MAP3K1: variants seen among roughly 807,000 people sequenced by gnomAD.
MAP3K1 encodes the protein mitogen-activated protein kinase kinase kinase 1.
MAP3K1 carries 36 observed loss-of-function variants against 144.2 expected under a neutral mutation model. That is an observed-to-expected ratio of 0.25 (90% confidence interval 0.19 to 0.33). MAP3K1 has a LOEUF of 0.33. Ranked by LOEUF, MAP3K1 falls within the 10% of genes least tolerant of loss-of-function variation. The pLI, the probability that MAP3K1 is intolerant of heterozygous loss-of-function variation, is 1.00. For missense variants in MAP3K1, 1,650 were observed against 1,881.9 expected, an observed-to-expected ratio of 0.88 and a Z score of 2.28; for synonymous variants, 718 against 688.7, an observed-to-expected ratio of 1.04 and a Z score of -0.67.
chr5:56,859,970 T>A (rs1330720973), intron 3 of MAP3K1, 55 bp downstream of exon 3: 1 of 1,425,562 alleles, frequency 7.0e-7, no homozygotes, highest in Non-Finnish European at 9.7e-7. Flanking sequence ...GCTTCATTTA[T>A]AACAAAGAAA....
intron 1 of MAP3K1, among the ~76,000 whole-genome samples, chr5:56,818,675 T>G (rs1420096951): frequency 3.3e-5 from 5 of 152,160 alleles, no homozygotes; most frequent in Non-Finnish European, 7.4e-5. Context: ...TTACTGTCTT[T>G]GAAGAAAAAT....
chr5:56,873,562 C>G (rs1747925585), intron 9 of MAP3K1, among the ~76,000 whole-genome samples: 1 of 152,038 alleles, frequency 6.6e-6, no homozygotes, highest in African/African-American at 2.4e-5. Context: ...GTAAGTAGGG[C>G]TTTTTTGTCA....
chr5:56,879,642 A>G (rs1204917341), intron 11 of MAP3K1, among the ~76,000 whole-genome samples: 2 of 152,220 alleles, frequency 1.3e-5, no homozygotes, highest in African/African-American at 4.8e-5. Flanking sequence ...CTAACTGGAA[A>G]GAAAAATATG....
intron 1 of MAP3K1, among the ~76,000 whole-genome samples, chr5:56,822,887 C>T (rs758119343): frequency 6.6e-6 from 1 of 152,196 alleles, no homozygotes; most frequent in Non-Finnish European, 1.5e-5. Flanking sequence ...ACCTCCTCCT[C>T]TCACCTCGTC....
rs1381395437 is a variant in MAP3K1, at chr5:56,895,362, TTTTG to T, written c.*1686_*1689del. ...GTGTTGTACTTGACTTTCTTTTTTATTTTGTTTTTTTTTTTTTTTGACTACTTAG... is the reference window on the plus strand; with the variant it reads ...GTGTTGTACTTGACTTTCTTTTTTATTTTTTTTTTTTTTTTGACTACTTAG... On this transcript the variant is annotated 3_prime_UTR_variant, in exon 20 of 20. Coordinates refer to ENST00000399503, the MANE Select transcript of MAP3K1 (RefSeq NM_005921.2). 959 of 161,296 alleles carry T rather than the reference TTTTG, an allele frequency of 5.9e-3. 9 individuals are homozygous for T. Among genetic ancestry groups the T allele is most frequent in the African/African-American group, 0.022 (792 of 35,566 alleles). 10.0% of individuals were successfully genotyped at this position (161,296 alleles called of 1,614,324 possible). A position where few individuals can be genotyped will look rare whatever the true frequency, so the allele number is the denominator to read the frequency against.
chr5:56,880,207 A>G (rs1251037510), intron 11 of MAP3K1, among the ~76,000 whole-genome samples: 1 of 152,314 alleles, frequency 6.6e-6, no homozygotes, highest in African/African-American at 2.4e-5. Context: ...TATGCTGCTC[A>G]CTTTTTGAAA....
intron 1 of MAP3K1, among the ~76,000 whole-genome samples, chr5:56,851,596 C>G (rs1273307268): frequency 6.6e-6 from 1 of 152,190 alleles, no homozygotes; most frequent in Admixed American, 6.5e-5. Flanking sequence ...AGTGTTTCTA[C>G]TTATTACCTT....
intron 6 of MAP3K1, among the ~76,000 whole-genome samples, chr5:56,868,688 T>TGG (rs1278527226): frequency 6.6e-6 from 1 of 152,196 alleles, no homozygotes; most frequent in African/African-American, 2.4e-5. Flanking sequence ...CCGGCCGTAA[T>TGG]GGTTTCTTAA....
chr5:56,844,727 T>G (rs2111826617), intron 1 of MAP3K1, among the ~76,000 whole-genome samples: 2 of 152,308 alleles, frequency 1.3e-5, no homozygotes, highest in Non-Finnish European at 2.9e-5. Context: ...ACAGAATGAT[T>G]GGAGGAACAC....
intron 19 of MAP3K1, among the ~76,000 whole-genome samples, chr5:56,889,957 C>T (rs892391874): frequency 1.3e-5 from 2 of 152,102 alleles, no homozygotes; most frequent in African/African-American, 2.4e-5. Context: ...TTCTTTCAGA[C>T]GTCCCATGTC....
At chr5:56,826,207 CT>C (rs1224372401) in intron 1 of MAP3K1, among the ~76,000 whole-genome samples, 3 of 151,916 alleles carry the variant, frequency 2.0e-5, no homozygotes, top group Non-Finnish European at 4.4e-5. Flanking sequence ...TTTTTATTCT[CT>C]TTGCAATAAA....
chr5:56,836,415 T>C (rs1030422014), intron 1 of MAP3K1, among the ~76,000 whole-genome samples: 26 of 152,230 alleles, frequency 1.7e-4, no homozygotes, highest in African/African-American at 6.3e-4. Flanking sequence ...TTGGTAATAA[T>C]GTCAGAGTGT....
At chr5:56,879,248 C>T (rs577662383) in intron 11 of MAP3K1, 147 bp downstream of exon 11, 3 of 1,174,872 alleles carry the variant, frequency 2.6e-6, no homozygotes, top group Non-Finnish European at 3.7e-6. Flanking sequence ...AATGAAAATG[C>T]AGCATAAAGC....
intron 1 of MAP3K1, chr5:56,820,602 T>A (rs1024488745): frequency 1.0e-6 from 1 of 984,978 alleles, no homozygotes; most frequent in Non-Finnish European, 1.2e-6. Context: ...ATTTATTGAT[T>A]TGTGCTGTAT....
intron 1 of MAP3K1, among the ~76,000 whole-genome samples, chr5:56,851,768 G>A (rs73759238): frequency 0.021 from 3,154 of 152,270 alleles, 108 homozygotes; most frequent in African/African-American, 0.073. Context: ...TGTGGAAGCT[G>A]GGATGGATTC....
intron 15 of MAP3K1, among the ~76,000 whole-genome samples, chr5:56,884,380 A>C (rs1436887802): frequency 6.6e-6 from 1 of 152,150 alleles, no homozygotes; most frequent in Admixed American, 6.5e-5. Flanking sequence ...TTTTTAAATC[A>C]TGTTGATTCT....
chr5:56,858,775 G>C (rs1316284328), intron 2 of MAP3K1, among the ~76,000 whole-genome samples: 1 of 152,140 alleles, frequency 6.6e-6, no homozygotes, highest in Non-Finnish European at 1.5e-5. Context: ...AGACTTCAGG[G>C]AAGTTTCATA....
chr5:56,886,788 C>T (rs1325791694), intron 17 of MAP3K1, among the ~76,000 whole-genome samples: 1 of 151,860 alleles, frequency 6.6e-6, no homozygotes, highest in Non-Finnish European at 1.5e-5. Flanking sequence ...TTTTTGGAGA[C>T]AGGTTCTCTG....
chr5:56,816,166 G>A (rs1745958917), intron 1 of MAP3K1, 111 bp downstream of exon 1: 2 of 1,086,338 alleles, frequency 1.8e-6, no homozygotes, highest in East Asian at 3.9e-5. Flanking sequence ...GCGAGGCTAC[G>A]CGCCGCTCGC....
Sources: allele counts gnomAD v4.1 joint callset (sites outside exome capture counted in the v4.1 genomes callset), GRCh38; gene constraint gnomAD v4.1.1; transcripts MANE v1.5; gene names NCBI Gene and HGNC (gene_info 2026-07-23, HGNC 2026-07-21).